Variants in UBAC2 observed in about 807,000 individuals in gnomAD.
UBAC2 encodes the protein UBA domain containing 2.
Under a neutral mutation model 44.0 loss-of-function variants are expected in UBAC2, and 26 were observed. The observed-to-expected ratio is 0.59, with a 90% CI of 0.43 to 0.82. The LOEUF is 0.82. Ranked by LOEUF, UBAC2 falls within the 40% of genes least tolerant of loss-of-function variation. The pLI is 0.00. For missense variants in UBAC2, 329 were observed against 419.4 expected (o/e 0.78, Z 1.88); for synonymous variants, 155 against 154.3 (o/e 1.00, Z -0.04).
At chr13:99,301,138 G>T (rs1286677010) in intron 4 of UBAC2, among the ~76,000 whole-genome samples, 1 of 152,178 alleles carries the variant, frequency 6.6e-6, no homozygotes, top group Non-Finnish European at 1.5e-5. Context: ...ATGAAAAGAT[G>T]CACGTGGCCC....
In UBAC2 at chr13:99,318,057, C is replaced by T; in HGVS notation, c.549C>T (p.Ala183=). ...FTSGSYIWIV[A]ISGLMSGLCY... ...CTGGTTCCTACATCTGGATTGTAGCCATAAGTGGACTTGTAAGTGTGACTA... is the reference window on the plus strand; with the variant it reads ...CTGGTTCCTACATCTGGATTGTAGCTATAAGTGGACTTGTAAGTGTGACTA... Residue 183 remains alanine (A), a synonymous_variant, in exon 6 of 9, where the codon GCC becomes GCT. Transcript: ENST00000403766. 6.2e-7 allele frequency: 1 copy of T among 1,611,908 alleles called. No individual in the cohort carries two copies. The highest frequency in any genetic ancestry group is 8.5e-7 in the Non-Finnish European group (1 of 1,179,246).
intron 4 of UBAC2, among the ~76,000 whole-genome samples, chr13:99,249,034 C>G (rs1319055384): frequency 2.0e-5 from 3 of 152,094 alleles, no homozygotes; most frequent in Non-Finnish European, 4.4e-5. Flanking sequence ...TTTGAAATTT[C>G]AACTTTCAGA....
chr13:99,219,086 A>G (rs978393352), intron 1 of UBAC2, among the ~76,000 whole-genome samples: 9 of 152,216 alleles, frequency 5.9e-5, no homozygotes, highest in Non-Finnish European at 1.2e-4. Flanking sequence ...CAAATAGTTA[A>G]GTAGTCAGAC....
intron 8 of UBAC2, among the ~76,000 whole-genome samples, chr13:99,374,540 T>G (rs544782285): frequency 6.6e-6 from 1 of 152,368 alleles, no homozygotes; most frequent in African/African-American, 2.4e-5. Flanking sequence ...GCTTTCACTC[T>G]TAGCTGATAA....
chr13:99,321,766 A>G (rs1594125440), intron 6 of UBAC2, among the ~76,000 whole-genome samples: 3 of 152,208 alleles, frequency 2.0e-5, no homozygotes, highest in Non-Finnish European at 4.4e-5. Context: ...ATCTTCAGTG[A>G]TATCACAGAA....
At chr13:99,334,871 G>A (rs114360200) in intron 6 of UBAC2, among the ~76,000 whole-genome samples, 130 of 152,060 alleles carry the variant, frequency 8.5e-4, no homozygotes, top group Non-Finnish European at 9.9e-4. Flanking sequence ...TTGCTATATG[G>A]TATCTACAAG....
chr13:99,214,832 T>C (rs1165928741), intron 1 of UBAC2, among the ~76,000 whole-genome samples: 1 of 96,052 alleles, frequency 1.0e-5, no homozygotes, highest in East Asian at 2.6e-4. Context: ...GTTTGTAGAC[T>C]GTGGGTGGGG....
rs1311755193 is a variant in UBAC2 at position 99,295,366 on chromosome 13, G to A, written c.390-18731G>A. ...TCATATGTTGAATAATTGCAACATG[G>A]TAAGGTGTGAAACAGAGAACAAACA... On this transcript the variant is annotated intron_variant, in intron 4 of 8. Transcript: ENST00000403766. The surrounding 1 kb of genome is among the most constrained non-coding windows in gnomAD (Gnocchi z 4.1). The A allele has an allele frequency of 1.2e-6, 2 of 1,613,864 alleles. No individual in the cohort carries two copies. Among genetic ancestry groups the A allele is most frequent in the Non-Finnish European group, 1.7e-6 (2 of 1,179,796 alleles).
intron 4 of UBAC2, among the ~76,000 whole-genome samples, chr13:99,311,142 G>C (rs2044406785): frequency 6.6e-6 from 1 of 152,180 alleles, no homozygotes; most frequent in African/African-American, 2.4e-5. Context: ...TCTAGACAGT[G>C]GGAATAAAAC....
intron 4 of UBAC2, among the ~76,000 whole-genome samples, chr13:99,290,171 C>T (rs1300087519): frequency 6.6e-6 from 1 of 152,186 alleles, no homozygotes; most frequent in Non-Finnish European, 1.5e-5. Context: ...GTTTCATCAT[C>T]TGGAAAGTGC....
intron 4 of UBAC2, among the ~76,000 whole-genome samples, chr13:99,249,751 G>A (rs1037983368): frequency 2.6e-5 from 4 of 151,852 alleles, no homozygotes; most frequent in African/African-American, 9.7e-5. Flanking sequence ...TTGTTTTTTG[G>A]CTTTTTAGTA....
chr13:99,270,750 T>C (rs2043805238), intron 4 of UBAC2, among the ~76,000 whole-genome samples: 1 of 152,226 alleles, frequency 6.6e-6, no homozygotes, highest in African/African-American at 2.4e-5. Context: ...TTGCGTACTT[T>C]TATTAACTTA....
chr13:99,258,298 T>A (rs894387876), intron 4 of UBAC2: 5 of 152,258 alleles, frequency 3.3e-5, no homozygotes, highest in African/African-American at 1.2e-4. Flanking sequence ...TGTTTTAGAC[T>A]CTTTTGTTGC....
At chr13:99,310,990 T>G (rs2138757807) in intron 4 of UBAC2, among the ~76,000 whole-genome samples, 1 of 152,328 alleles carries the variant, frequency 6.6e-6, no homozygotes, top group African/African-American at 2.4e-5. Flanking sequence ...AACCATGTGT[T>G]TTAATCCCAT....
At chr13:99,280,110 A>C (rs1171778825) in intron 4 of UBAC2, among the ~76,000 whole-genome samples, 4 of 152,164 alleles carry the variant, frequency 2.6e-5, no homozygotes, top group Non-Finnish European at 4.4e-5. Context: ...CAATGCCATC[A>C]TCTGCACTGC....
intron 1 of UBAC2, chr13:99,201,531 G>A (rs746571500): frequency 1.3e-5 from 21 of 1,614,092 alleles, no homozygotes; most frequent in African/African-American, 5.3e-5. Flanking sequence ...GCTGCTGGAT[G>A]TTGCTGTTTT....
chr13:99,327,082 C>G (rs1295225955), intron 6 of UBAC2, among the ~76,000 whole-genome samples: 1 of 152,158 alleles, frequency 6.6e-6, no homozygotes, highest in African/African-American at 2.4e-5. Flanking sequence ...CTAAAATCAT[C>G]AAGATATTTA....
At chr13:99,335,302 ATATACACCCTATTT>A (rs2044771541) in intron 6 of UBAC2, among the ~76,000 whole-genome samples, 2 of 151,892 alleles carry the variant, frequency 1.3e-5, no homozygotes, top group Non-Finnish European at 2.9e-5. Flanking sequence ...CGTAATGCTG[ATATACACCCTATTT>A]TCTGTTTTAT....
At chr13:99,276,913 G>C (rs977094204) in intron 4 of UBAC2, among the ~76,000 whole-genome samples, 10 of 152,166 alleles carry the variant, frequency 6.6e-5, no homozygotes, top group Admixed American at 6.5e-5. Flanking sequence ...AGAGTTCAGG[G>C]GGTGGCTGTG....
Sources: gnomAD v4.1 joint callset for allele counts (sites outside exome capture counted in the v4.1 genomes callset) on GRCh38, gnomAD v4.1.1 for gene constraint, Gnocchi (gnomAD v3.1) non-coding constraint, MANE v1.5 for transcripts, NCBI Gene and HGNC (gene_info 2026-07-23, HGNC 2026-07-21) for gene names.